The following CCNH variants were observed in gnomAD, a reference collection of about 807,000 sequenced individuals.
CCNH encodes cyclin H, also known as cyclin-H.
Under a neutral mutation model 41.9 loss-of-function variants are expected in CCNH, and 31 were observed. The ratio of observed to expected loss-of-function variants is 0.74; its 90% CI spans 0.56 to 1.00. The LOEUF (loss-of-function observed/expected upper bound fraction) is 1.00. CCNH is among the 50% of genes least tolerant of loss of function. CCNH has a pLI of 0.00. For missense variants in CCNH, 362 were observed against 388.4 expected (o/e 0.93, Z 0.57); for synonymous variants, 138 against 136.1 (o/e 1.01, Z -0.10).
intron 9 of CCNH, chr5:87,385,537 C>T (rs1035039796): frequency 4.4e-6 from 3 of 685,958 alleles, no homozygotes; most frequent in Non-Finnish European, 7.5e-6. Context: ...TTTAAAGTAG[C>T]TTGTTTAAAT....
At chr5:87,392,244 A>G (rs1762578379), downstream of CCNH, 2 of 456,354 alleles carry the variant, frequency 4.4e-6, no homozygotes, top group South Asian at 1.5e-5. Flanking sequence ...ACTTTATGCT[A>G]TTCCTCTAAT....
upstream of CCNH, chr5:87,378,303 C>T: frequency 7.0e-7 from 1 of 1,435,642 alleles, no homozygotes; most frequent in South Asian, 1.2e-5. Flanking sequence ...AGTGGCTATT[C>T]CTGTTGAGGT....
intron 9 of CCNH, chr5:87,369,729 T>A (rs1760790600): frequency 1.2e-6 from 1 of 844,904 alleles, no homozygotes; most frequent in Admixed American, 2.1e-5. Context: ...TGTTAATTAT[T>A]TATTGTGAGT....
chr5:87,311,529 T>C, the CCNH span, among the ~76,000 whole-genome samples: 1 of 152,128 alleles, frequency 6.6e-6, no homozygotes, highest in African/African-American at 2.4e-5. Flanking sequence ...AAATCAGCAA[T>C]TGAAAAAGGT....
At chr5:87,372,311 C>T (rs2112480459), downstream of CCNH, 6 of 897,204 alleles carry the variant, frequency 6.7e-6, no homozygotes, top group Non-Finnish European at 1.1e-5. Context: ...AGCCATGCTG[C>T]CACTTGCTTC....
At chr5:87,317,181 C>T (rs1430774488), downstream of CCNH, among the ~76,000 whole-genome samples, 2 of 152,152 alleles carry the variant, frequency 1.3e-5, no homozygotes, top group Non-Finnish European at 2.9e-5. Context: ...CTGCGCCTGG[C>T]GGATACCACA....
chr5:87,356,759 A>G (rs1293254643), intron 9 of CCNH, among the ~76,000 whole-genome samples: 1 of 152,244 alleles, frequency 6.6e-6, no homozygotes, highest in Non-Finnish European at 1.5e-5. Flanking sequence ...AGACTACAGT[A>G]TAGTTGTAAA....
intron 3 of CCNH, 27 bp downstream of exon 3, chr5:87,409,263 A>C (rs1764033298): frequency 1.6e-6 from 2 of 1,282,546 alleles, no homozygotes; most frequent in Non-Finnish European, 2.2e-6. Flanking sequence ...CTTAAATGAA[A>C]ACAATATATT....
intron 1 of CCNH, 77 bp downstream of exon 1, chr5:87,412,601 C>G: frequency 1.9e-6 from 3 of 1,571,604 alleles, no homozygotes; most frequent in Non-Finnish European, 2.6e-6. Flanking sequence ...CGAGATTGTC[C>G]TGGGAGCCAG....
At chr5:87,335,003 C>T (rs1339279008) in intron 9 of CCNH, among the ~76,000 whole-genome samples, 1 of 152,078 alleles carries the variant, frequency 6.6e-6, no homozygotes, top group Non-Finnish European at 1.5e-5. Flanking sequence ...TTGCCTCGGT[C>T]TTCTGAGCAG....
At chr5:87,372,284 G>A (rs1485315083), downstream of CCNH, 2 of 1,211,844 alleles carry the variant, frequency 1.7e-6, no homozygotes, top group Non-Finnish European at 2.4e-6. Context: ...AACTGTTTTG[G>A]ACATCATATG....
chr5:87,401,944 A>G (rs1208700437), intron 5 of CCNH, among the ~76,000 whole-genome samples, 172 bp from the exon 6 acceptor site: 1 of 152,236 alleles, frequency 6.6e-6, no homozygotes, highest in African/African-American at 2.4e-5. Flanking sequence ...ACTTACATTA[A>G]AAGATGTTTA....
At chr5:87,386,505 G>T (rs997276344), downstream of CCNH, among the ~76,000 whole-genome samples, 2 of 151,958 alleles carry the variant, frequency 1.3e-5, no homozygotes, top group African/African-American at 4.8e-5. Context: ...ATTTGTGTCT[G>T]CCAGGCTATG....
At chr5:87,386,066 T>C (rs1442748863) in intron 9 of CCNH, among the ~76,000 whole-genome samples, 1 of 152,078 alleles carries the variant, frequency 6.6e-6, no homozygotes, top group Non-Finnish European at 1.5e-5. Context: ...AAGATACTTT[T>C]ATTGCTCCTC....
chr5:87,329,388 G>T (rs1401284810), intron 9 of CCNH, among the ~76,000 whole-genome samples: 1 of 152,072 alleles, frequency 6.6e-6, no homozygotes, highest in East Asian at 1.9e-4. Context: ...GTTGCAGTGA[G>T]CTGAGATCGT....
chr5:87,378,624 AAT>A, upstream of CCNH: 19 of 1,342,452 alleles, frequency 1.4e-5, no homozygotes, highest in Non-Finnish European at 1.9e-5. Flanking sequence ...TTTTAAGGAA[AAT>A]ATATTAAATT....
chr5:87,408,190 G>A lies in CCNH; in HGVS notation c.315-4C>T. On this transcript the variant is annotated splice_region_variant and splice_polypyrimidine_tract_variant and intron_variant, in intron 3 of 8. Coordinates refer to ENST00000256897, the MANE Select transcript of CCNH (RefSeq NM_001239.4). ...GGCCAAAAATGCACAAGTGAGCCTA[G>A]AGGAAAAAATAAGGAGGCAGGAGGC... is the stretch of plus-strand genomic sequence containing the variant. The A allele has an allele frequency of 2.1e-6, 3 of 1,451,704 alleles. No homozygotes were observed. The highest frequency in any genetic ancestry group is 2.8e-6 in the Non-Finnish European group (3 of 1,075,100). 89.9% of individuals were successfully genotyped at this position (1,451,704 alleles called of 1,614,324 possible). A position where few individuals can be genotyped will look rare whatever the true frequency, so the allele number is the denominator to read the frequency against.
At position 87,412,683 on chromosome 5, in the gene CCNH, C is replaced by G. The variant is rs745750733; in HGVS notation, c.112G>C (p.Gly38Arg). Reference sequence around the variant, plus strand: ...AACCGTTGGGAAAACCTCACCTTCCCGTTGGCCACGGCTTTGCATCTGAAT... The same window carrying G: ...AACCGTTGGGAAAACCTCACCTTCCGGTTGGCCACGGCTTTGCATCTGAAT... The part of the protein sequence containing the change: ...RKFRCKAVAN[G>R]KVLPNDPVFL... Residue 38 changes from glycine to arginine, a missense_variant, in exon 1 of 9, where the codon GGG becomes CGG. Transcript: ENST00000256897. 1 of 1,613,914 alleles carries G rather than the reference C, an allele frequency of 6.2e-7. No individual in the cohort carries two copies. The highest frequency in any genetic ancestry group is 1.7e-5 in the Admixed American group (1 of 59,986).
chr5:87,364,627 C>G (rs1760368216), intron 9 of CCNH, among the ~76,000 whole-genome samples: 1 of 152,034 alleles, frequency 6.6e-6, no homozygotes, highest in African/African-American at 2.4e-5. Flanking sequence ...ACCTGAGAAT[C>G]TTAACCTTCA....
Sources: gnomAD v4.1 joint callset for allele counts (sites outside exome capture counted in the v4.1 genomes callset) on GRCh38, gnomAD v4.1.1 for gene constraint, MANE v1.5 for transcripts, NCBI Gene and HGNC (gene_info 2026-07-23, HGNC 2026-07-21) for gene names.